SERPINI2: variants seen among roughly 807,000 people sequenced by gnomAD.
SERPINI2 encodes serpin family I member 2, also known as serpin I2.
A neutral mutation model predicts 47.3 loss-of-function variants in SERPINI2; 48 were observed. The observed-to-expected ratio is 1.02, with a 90% CI of 0.81 to 1.29. The LOEUF is 1.29. Ranked by LOEUF, SERPINI2 falls within the 50% of genes most tolerant of loss-of-function variation. The pLI is 0.00. For synonymous variants in SERPINI2, 135 were observed against 149.3 expected, an observed-to-expected ratio of 0.90 and a Z score of 0.70; for missense variants, 448 against 456.9, an observed-to-expected ratio of 0.98 and a Z score of 0.18.
intron 3 of SERPINI2, 24 bp from the exon 4 acceptor site, chr3:167,465,697 G>A (rs1477175033): frequency 1.3e-6 from 2 of 1,584,870 alleles, no homozygotes; most frequent in Admixed American, 1.8e-5. Flanking sequence ...GGAGGAGGAG[G>A]TAAGAAGAAA....
intron 1 of SERPINI2, 117 bp from the exon 2 acceptor site, chr3:167,471,961 G>C: frequency 4.4e-6 from 3 of 682,132 alleles, no homozygotes; most frequent in Non-Finnish European, 7.4e-6. Context: ...ACTACCACAA[G>C]TGAACTCTAT....
chr3:167,465,304 A>C, exon 5 of SERPINI2: 1 of 1,613,230 alleles, frequency 6.2e-7, no homozygotes, highest in Non-Finnish European at 8.5e-7. Context: ...CTATATCCAT[A>C]CCTTCTGCAG....
chr3:167,460,386 C>T (rs907136608), intron 5 of SERPINI2, among the ~76,000 whole-genome samples: 1 of 152,136 alleles, frequency 6.6e-6, no homozygotes, highest in African/African-American at 2.4e-5. Flanking sequence ...AGAAATTGTT[C>T]CTTTTGGGAG....
intron 5 of SERPINI2, among the ~76,000 whole-genome samples, chr3:167,458,428 T>A (rs113849196): frequency 6.9e-6 from 1 of 144,570 alleles, no homozygotes; most frequent in African/African-American, 2.5e-5. Context: ...TTGTTTGTAT[T>A]TTTTTTTTTT....
chr3:167,463,086 C>T (rs1750027722), intron 5 of SERPINI2, among the ~76,000 whole-genome samples: 1 of 151,972 alleles, frequency 6.6e-6, no homozygotes, highest in Admixed American at 6.6e-5. Flanking sequence ...AAGTGACTCT[C>T]CTGAGACCCC....
At chr3:167,442,101 C>A (rs1749344717) in exon 9 of SERPINI2, 1 of 1,584,418 alleles carries the variant, frequency 6.3e-7, no homozygotes, top group African/African-American at 1.4e-5. Flanking sequence ...TGAGGCTGTG[C>A]TTTTCATTCA....
chr3:167,459,329 C>T (rs1177445329), intron 5 of SERPINI2, among the ~76,000 whole-genome samples: 4 of 152,138 alleles, frequency 2.6e-5, no homozygotes, highest in Non-Finnish European at 5.9e-5. Context: ...CCGCCTCAGC[C>T]TCCCAAAGTG....
At chr3:167,474,262 T>A (rs1750428536), upstream of SERPINI2, 2 of 394,684 alleles carry the variant, frequency 5.1e-6, no homozygotes, top group South Asian at 2.1e-4. Context: ...ATTAAATTTA[T>A]ATTATTATTT....
intron 5 of SERPINI2, among the ~76,000 whole-genome samples, chr3:167,461,472 T>G (rs1270169106): frequency 6.6e-6 from 1 of 152,176 alleles, no homozygotes; most frequent in Admixed American, 6.5e-5. Flanking sequence ...TTCTTTTGTT[T>G]AGGGAAAGCA....
intron 6 of SERPINI2, among the ~76,000 whole-genome samples, chr3:167,452,181 A>G (rs984955390): frequency 6.6e-6 from 1 of 152,196 alleles, no homozygotes; most frequent in African/African-American, 2.4e-5. Flanking sequence ...ATGATTTACA[A>G]CCCCATCAGA....
chr3:167,464,366 A>G (rs1750074022), intron 5 of SERPINI2, among the ~76,000 whole-genome samples: 1 of 152,160 alleles, frequency 6.6e-6, no homozygotes, highest in Admixed American at 6.5e-5. Context: ...GAAGAGAATT[A>G]GGAAAGGGAT....
exon 4 of SERPINI2, chr3:167,465,651 T>C (rs1318531156): frequency 6.2e-7 from 1 of 1,608,968 alleles, no homozygotes; most frequent in South Asian, 1.1e-5. Context: ...ATTCTTCCCC[T>C]GAAAACATGT....
chr3:167,458,628 T>C (rs917636170), intron 5 of SERPINI2, among the ~76,000 whole-genome samples: 6 of 152,158 alleles, frequency 3.9e-5, no homozygotes, highest in African/African-American at 9.7e-5. Flanking sequence ...AACCATCTTA[T>C]CAATAAGGAA....
intron 6 of SERPINI2, 96 bp downstream of exon 6, chr3:167,452,840 A>T: frequency 1.5e-6 from 1 of 682,708 alleles, no homozygotes; most frequent in Non-Finnish European, 2.5e-6. Flanking sequence ...TATATTTATC[A>T]GAGCTGAATG....
chr3:167,473,709 CA>C, intron 1 of SERPINI2: 1 of 1,288,122 alleles, frequency 7.8e-7, no homozygotes, highest in African/African-American at 1.5e-5. Context: ...TAACCTCAGA[CA>C]AATATTGGTT....
At chr3:167,451,398 G>A (rs1040548040) in intron 6 of SERPINI2, among the ~76,000 whole-genome samples, 3 of 152,206 alleles carry the variant, frequency 2.0e-5, no homozygotes, top group African/African-American at 7.2e-5. Flanking sequence ...TAAGACTAGT[G>A]TTGGGCTGCT....
intron 5 of SERPINI2, among the ~76,000 whole-genome samples, chr3:167,463,359 A>G (rs1488380257): frequency 6.6e-6 from 1 of 152,194 alleles, no homozygotes; most frequent in Non-Finnish European, 1.5e-5. Context: ...CTGGGAAATG[A>G]AAGAGAAGTT....
intron 5 of SERPINI2, 115 bp downstream of exon 5, chr3:167,465,091 G>A: frequency 1.1e-6 from 1 of 935,434 alleles, no homozygotes. Context: ...AAATACATTT[G>A]TATTTTCATT....
At chr3:167,459,681 G>GTT (rs11346005) in intron 5 of SERPINI2, among the ~76,000 whole-genome samples, 3 of 107,982 alleles carry the variant, frequency 2.8e-5, no homozygotes, top group Non-Finnish European at 6.7e-5. Context: ...CTTATGGGTG[G>GTT]TTTTTTTTTT....
Sources: allele counts gnomAD v4.1 joint callset (sites outside exome capture counted in the v4.1 genomes callset), GRCh38; gene constraint gnomAD v4.1.1; transcripts MANE v1.5; gene names NCBI Gene and HGNC (gene_info 2026-07-23, HGNC 2026-07-21).